The following KTN1 variants were observed in gnomAD, a reference collection of about 807,000 sequenced individuals.
The protein encoded by KTN1 is kinectin 1.
Under a neutral mutation model 222.5 loss-of-function variants are expected in KTN1, and 130 were observed. The observed-to-expected ratio is 0.58, with a 90% CI of 0.51 to 0.68. The LOEUF (loss-of-function observed/expected upper bound fraction) is 0.68, where lower values mean the gene tolerates loss of function less well. Among genes scored for constraint, KTN1 ranks in the 30% least tolerant of loss-of-function variants. The pLI is 0.00. For missense variants in KTN1, 1,508 were observed against 1,500.4 expected (o/e 1.01, Z -0.08); for synonymous variants, 512 against 496.3 (o/e 1.03, Z -0.42).
chr14:55,595,846 A>AT (rs769190941), intron 1 of KTN1, among the ~76,000 whole-genome samples: 4 of 152,078 alleles, frequency 2.6e-5, no homozygotes, highest in South Asian at 2.1e-4. Flanking sequence ...TATCGGAGTG[A>AT]TTTTTTTTAA....
intron 1 of KTN1, among the ~76,000 whole-genome samples, chr14:55,604,870 C>T (rs930109989): frequency 1.3e-5 from 2 of 152,130 alleles, no homozygotes; most frequent in African/African-American, 4.8e-5. Flanking sequence ...AGGTGAAGTG[C>T]TTTAAATGGA....
intron 18 of KTN1, among the ~76,000 whole-genome samples, chr14:55,642,779 A>T (rs182455569): frequency 1.3e-3 from 192 of 152,268 alleles, no homozygotes; most frequent in African/African-American, 4.5e-3. Flanking sequence ...TCCCCGTATG[A>T]TATTAAGTGC....
Position 55,678,648 on chromosome 14 carries a change from C to CG in KTN1, c.3948+209dup, listed in dbSNP as rs1470303633. 3.8e-5 allele frequency: 19 copies of CG among 493,612 alleles called. No homozygotes were observed. The South Asian group carries it at 4.1e-4, about 11-fold the overall frequency. The allele number at this position is 493,612 out of a possible 1,614,324, so 30.6% of individuals were successfully genotyped here. A position where few individuals can be genotyped will look rare whatever the true frequency, so the allele number is the denominator to read the frequency against. ...AAGGGTTGTGTTGAGAGGTATGGAG[C>CG]GGGGGTCCCCAATTCCTGGACTGTG... is the stretch of plus-strand genomic sequence containing the variant. On this transcript the variant is annotated intron_variant, in intron 42 of 43. Coordinates refer to ENST00000395314, the MANE Select transcript of KTN1 (RefSeq NM_001079521.2).
chr14:55,662,112 C>G (rs1264712663), intron 32 of KTN1, among the ~76,000 whole-genome samples: 1 of 150,318 alleles, frequency 6.7e-6, no homozygotes, highest in African/African-American at 2.5e-5. Flanking sequence ...GCTCTGTTGC[C>G]CAGGCTGGAG....
chr14:55,624,131 C>A, intron 5 of KTN1, among the ~76,000 whole-genome samples: 1 of 152,166 alleles, frequency 6.6e-6, no homozygotes, highest in East Asian at 1.9e-4. Flanking sequence ...TGGGGCGGTT[C>A]TGTTCTCTAC....
Position 55,631,357 on chromosome 14 carries a change from T to G in KTN1, c.1221+1260T>G, listed in dbSNP as rs796143341. ...GATAAGGTTGATATATATATATATATATATATATATATGTATTTTTTTTCA... is the reference window on the plus strand; with the variant it reads ...GATAAGGTTGATATATATATATATAGATATATATATATGTATTTTTTTTCA... On this transcript the variant is annotated intron_variant, in intron 7 of 43. Transcript: ENST00000395314. 9.1e-3 allele frequency among the ~76,000 whole-genome samples: 1,323 copies of G among 145,450 alleles called. 37 individuals carry two copies. Among genetic ancestry groups the G allele is most frequent in the African/African-American group, 0.022 (883 of 39,966 alleles).
chr14:55,672,949 T>C lies in KTN1; in HGVS notation c.3624T>C (p.His1208=). 6.2e-7 allele frequency: 1 copy of C among 1,613,278 alleles called. No homozygotes were observed. Among genetic ancestry groups the C allele is most frequent in the Non-Finnish European group, 8.5e-7 (1 of 1,179,370 alleles). The change falls in exon 39 of 44, where the codon CAT becomes CAC. Residue 1208 remains histidine, a synonymous_variant. Coordinates refer to ENST00000395314, the MANE Select transcript of KTN1 (RefSeq NM_001079521.2). ...GCTAGCTGAGAAGAGAACGAGAACA[T>C]TTGGAAATGGAACTAGAAAAGGCAG... The part of the protein sequence containing the change: ...DIENLRRERE[H]LEMELEKAEM...
At chr14:55,587,344 A>G (rs976867490) in intron 1 of KTN1, among the ~76,000 whole-genome samples, 1 of 152,186 alleles carries the variant, frequency 6.6e-6, no homozygotes, top group Non-Finnish European at 1.5e-5. Context: ...TGAAACATGA[A>G]TTTCAGCAAA....
intron 1 of KTN1, among the ~76,000 whole-genome samples, chr14:55,592,699 T>C (rs1360010467): frequency 6.6e-6 from 1 of 152,244 alleles, no homozygotes; most frequent in Non-Finnish European, 1.5e-5. Context: ...CTAAGTGTTT[T>C]GTAAATATTT....
At chr14:55,581,156 T>A (rs754123337) in intron 1 of KTN1, among the ~76,000 whole-genome samples, 1 of 152,246 alleles carries the variant, frequency 6.6e-6, no homozygotes. Flanking sequence ...AGAAGTCGTC[T>A]GGCTCTCAGC....
At position 55,667,278 on chromosome 14, in the gene KTN1, C is replaced by T. The variant is rs781510066; in HGVS notation, c.3215C>T (p.Ala1072Val). Reference protein sequence around the residue: ...QQQVEAVELEAKEVLKKLFPK... With the variant: ...QQQVEAVELEVKEVLKKLFPK... Reference sequence around the variant, plus strand: ...CAGGTGGAAGCTGTTGAGTTGGAGGCTAAAGAAGTTCTCAAAAAATTATTT... The same window carrying T: ...CAGGTGGAAGCTGTTGAGTTGGAGGTTAAAGAAGTTCTCAAAAAATTATTT... Residue 1072 changes from alanine to valine, a missense_variant, in exon 34 of 44, where the codon GCT becomes GTT. By Grantham distance (64) the Ala-to-Val change is moderately conservative (BLOSUM62 0). Transcript: ENST00000395314. 6.2e-7 allele frequency: 1 copy of T among 1,606,858 alleles called. No individual in the cohort carries two copies. Among genetic ancestry groups the T allele is most frequent in the East Asian group, 2.3e-5 (1 of 44,342 alleles).
At chr14:55,640,240 T>C in intron 14 of KTN1, 134 bp from the exon 15 acceptor site, 1 of 681,118 alleles carries the variant, frequency 1.5e-6, no homozygotes, top group Non-Finnish European at 2.5e-6. Context: ...TAACAGGAAT[T>C]GGTGGTTTCT....
chr14:55,652,851 T>G lies in KTN1; in HGVS notation c.2605T>G (p.Leu869Val), dbSNP rs1314153546. The G allele has an allele frequency of 6.3e-7, 1 of 1,586,102 alleles. No homozygotes were observed. Among genetic ancestry groups the G allele is most frequent in the Non-Finnish European group, 8.6e-7 (1 of 1,164,572 alleles). The part of the protein sequence containing the change: ...TSKVQELQNL[L>V]KGKEEQMNTM... ...GAGTTCTGATTAATTTATTATCAGATTAAAAGGAAAAGAGGAACAGATGAA... is the reference window on the plus strand; with the variant it reads ...GAGTTCTGATTAATTTATTATCAGAGTAAAAGGAAAAGAGGAACAGATGAA... The change falls in exon 26 of 44, where the codon TTA becomes GTA. Residue 869 changes from leucine (L) to valine (V), a missense_variant and splice_region_variant. Coordinates refer to ENST00000395314, the MANE Select transcript of KTN1 (RefSeq NM_001079521.2).
chr14:55,597,721 G>A (rs1294243165), intron 1 of KTN1, among the ~76,000 whole-genome samples: 1 of 152,086 alleles, frequency 6.6e-6, no homozygotes. Flanking sequence ...AGGCATGGTG[G>A]CGGGCACCTG....
At chr14:55,631,341 G>GAGATAGATAGATATATATAT in intron 7 of KTN1, among the ~76,000 whole-genome samples, 1 of 114,718 alleles carries the variant, frequency 8.7e-6, no homozygotes, top group Non-Finnish European at 1.7e-5. Flanking sequence ...TGATAAGGTT[G>GAGATAGATAGATATATATAT]ATATATATAT....
At chr14:55,671,090 T>G (rs1296759272) in intron 35 of KTN1, among the ~76,000 whole-genome samples, 2 of 152,122 alleles carry the variant, frequency 1.3e-5, no homozygotes, top group Non-Finnish European at 2.9e-5. Context: ...TTAGCCTAGG[T>G]TTAAAAAGTA....
chr14:55,633,368 A>T, intron 8 of KTN1, 27 bp downstream of exon 8: 1 of 1,268,518 alleles, frequency 7.9e-7, no homozygotes, highest in East Asian at 2.7e-5. Flanking sequence ...CTTATTTTTT[A>T]ATTGAATGGC....
intron 3 of KTN1, among the ~76,000 whole-genome samples, chr14:55,617,310 G>A (rs1278181762): frequency 6.6e-6 from 1 of 152,182 alleles, no homozygotes; most frequent in Non-Finnish European, 1.5e-5. Context: ...GAAAAGAAAA[G>A]AGATTTTCAT....
At position 55,672,968 on chromosome 14, in the gene KTN1, A is replaced by G. The variant is rs142760084; in HGVS notation, c.3643A>G (p.Lys1215Glu). The G allele has an allele frequency of 1.4e-4, 229 of 1,613,504 alleles. 1 individual carries two copies. Among genetic ancestry groups the G allele is most frequent in the Non-Finnish European group, 1.8e-4 (207 of 1,179,532 alleles). Residue 1215 changes from lysine to glutamate, a missense_variant, in exon 39 of 44, where the codon AAG (lysine) becomes GAG (glutamate). Physicochemically the swap from Lys to Glu is moderately conservative, Grantham distance 56. Transcript: ENST00000395314. ...EREHLEMELEKAEMERSTYVT... is the reference protein window; with the variant it reads ...EREHLEMELEEAEMERSTYVT... ...AGAACATTTGGAAATGGAACTAGAA[A>G]AGGCAGAGATGGAACGATCTACCTA...
Sources: allele counts gnomAD v4.1 joint callset (sites outside exome capture counted in the v4.1 genomes callset), GRCh38; gene constraint gnomAD v4.1.1; transcripts MANE v1.5; gene names NCBI Gene and HGNC (gene_info 2026-07-23, HGNC 2026-07-21).